The following NSD3 variants were observed in gnomAD, a reference collection of about 807,000 sequenced individuals.
NSD3 encodes histone-lysine N-methyltransferase NSD3.
In NSD3, 24 loss-of-function variants were observed where a neutral mutation model predicts 160.8. The observed-to-expected ratio is 0.15, with a 90% CI of 0.11 to 0.21. The LOEUF (loss-of-function observed/expected upper bound fraction) is 0.21. Among genes scored for constraint, NSD3 ranks in the 10% least tolerant of loss-of-function variants. NSD3 has a pLI of 1.00. For missense variants in NSD3, 1,157 were observed against 1,735.9 expected (o/e 0.67, Z 5.93); for synonymous variants, 520 against 600.0 (o/e 0.87, Z 1.95).
rs2150376110 is a variant in NSD3 at position 38,331,421 on chromosome 8, T to C, written c.1065+10A>G. ...CCATACTAGGTAAATAATATTAACATGTTAGTTACCTTTTGTTTCTCAGAG... is the reference window on the plus strand; with the variant it reads ...CCATACTAGGTAAATAATATTAACACGTTAGTTACCTTTTGTTTCTCAGAG... On this transcript the variant is annotated intron_variant, in intron 5 of 23. Coordinates refer to ENST00000317025, the MANE Select transcript of NSD3 (RefSeq NM_023034.2). 3 of 1,585,348 alleles carry C rather than the reference T, an allele frequency of 1.9e-6. No homozygotes were observed. Among genetic ancestry groups the C allele is most frequent in the South Asian group, 1.2e-5 (1 of 84,216 alleles).
chr8:38,282,149 A>C (rs1163127796), intron 19 of NSD3, among the ~76,000 whole-genome samples: 1 of 152,172 alleles, frequency 6.6e-6, no homozygotes, highest in African/African-American at 2.4e-5. Flanking sequence ...CTTTACTCAG[A>C]TTTTACCAAT....
chr8:38,335,114 T>A (rs967998498), intron 4 of NSD3, among the ~76,000 whole-genome samples: 1 of 151,674 alleles, frequency 6.6e-6, no homozygotes, highest in South Asian at 2.1e-4. Flanking sequence ...CTCAGTCACC[T>A]GAGTGAGACC....
At chr8:38,326,385 T>C (rs2150373994) in intron 7 of NSD3, among the ~76,000 whole-genome samples, 1 of 152,248 alleles carries the variant, frequency 6.6e-6, no homozygotes, top group African/African-American at 2.4e-5. Context: ...AAGGAGGAAA[T>C]GGTATGTGTG....
intron 1 of NSD3, among the ~76,000 whole-genome samples, chr8:38,351,246 G>A (rs1005660386): frequency 1.3e-4 from 20 of 151,252 alleles, no homozygotes; most frequent in Admixed American, 1.1e-3. Context: ...CAAAGTGCTG[G>A]GATTACAGGT....
At position 38,317,737 on chromosome 8, in the gene NSD3, A is replaced by C; in HGVS notation, c.1855+1158T>G. 7.2e-7 allele frequency: 1 copy of C among 1,383,346 alleles called. No individual in the cohort carries two copies. 85.7% of individuals were successfully genotyped at this position (1,383,346 alleles called of 1,614,324 possible). On this transcript the variant is annotated intron_variant, in intron 9 of 23. Coordinates refer to ENST00000317025, the MANE Select transcript of NSD3 (RefSeq NM_023034.2). The surrounding 1 kb of genome is among the most constrained non-coding windows in gnomAD (Gnocchi z 5.3). Reference sequence around the variant, plus strand: ...GTTTTTAGGCTGGACCCATGATTTAAGCTGTACCCATCCAGCTCAAACCGA... The same window carrying C: ...GTTTTTAGGCTGGACCCATGATTTACGCTGTACCCATCCAGCTCAAACCGA...
intron 1 of NSD3, among the ~76,000 whole-genome samples, chr8:38,375,799 A>G (rs1811373456): frequency 6.6e-6 from 1 of 151,960 alleles, no homozygotes; most frequent in Non-Finnish European, 1.5e-5. Context: ...TCAAAAAATA[A>G]TAGACTGCTT....
intron 19 of NSD3, among the ~76,000 whole-genome samples, chr8:38,283,548 A>G (rs1018530559): frequency 6.6e-6 from 1 of 151,908 alleles, no homozygotes; most frequent in Non-Finnish European, 1.5e-5. Context: ...ACATAAGCCA[A>G]TGGTCTTTAA....
chr8:38,367,636 C>T (rs1585929341), intron 1 of NSD3, among the ~76,000 whole-genome samples: 2 of 152,098 alleles, frequency 1.3e-5, no homozygotes, highest in South Asian at 2.1e-4. Context: ...CACTTGAACC[C>T]GGGAGGTGGA....
At position 38,316,654 on chromosome 8, in the gene NSD3, T is replaced by C. The variant is rs562718217; in HGVS notation, c.1856-612A>G. 28 of 1,053,470 alleles carry C rather than the reference T, an allele frequency of 2.7e-5. No individual in the cohort carries two copies. In the African/African-American group the frequency reaches 4.5e-4, roughly 17 times the overall value. The allele number at this position is 1,053,470 out of a possible 1,614,324, so 65.3% of individuals were successfully genotyped here. A position where few individuals can be genotyped will look rare whatever the true frequency, so the allele number is the denominator to read the frequency against. ...AAGCGCTGCAGCACATCTACATATG[T>C]CATGCCATTTAGAAGGCACATTGCT... On this transcript the variant is annotated intron_variant, in intron 9 of 23. Transcript: ENST00000317025. The surrounding 1 kb of genome is among the most constrained non-coding windows in gnomAD (Gnocchi z 4.5).
At chr8:38,358,686 A>G (rs1751025612) in intron 1 of NSD3, among the ~76,000 whole-genome samples, 1 of 152,176 alleles carries the variant, frequency 6.6e-6, no homozygotes, top group Non-Finnish European at 1.5e-5. Flanking sequence ...TTCATATACT[A>G]ATTTCTAACT....
intron 11 of NSD3, 117 bp downstream of exon 11, chr8:38,315,299 T>G: frequency 8.0e-7 from 1 of 1,256,566 alleles, no homozygotes; most frequent in Non-Finnish European, 1.0e-6. Context: ...ATCTGTAGCT[T>G]TAAAGTAATA....
In NSD3 at chr8:38,316,324, T is replaced by C; in HGVS notation, c.1856-282A>G. On this transcript the variant is annotated intron_variant, in intron 9 of 23. Coordinates refer to ENST00000317025, the MANE Select transcript of NSD3 (RefSeq NM_023034.2). The surrounding 1 kb of genome is among the most constrained non-coding windows in gnomAD (Gnocchi z 4.5). ...GCCCACGTTCCAACCTAAAAATCAA[T>C]TCTATGAAAATTGCAGGATAGCTGA... The C allele has an allele frequency of 9.4e-7, 1 of 1,066,644 alleles. No homozygotes were observed. The highest frequency in any genetic ancestry group is 1.2e-6 in the Non-Finnish European group (1 of 860,196). The allele number at this position is 1,066,644 out of a possible 1,614,324, so 66.1% of individuals were successfully genotyped here. A position where few individuals can be genotyped will look rare whatever the true frequency, so the allele number is the denominator to read the frequency against.
At chr8:38,345,474 A>G (rs1370345872) in intron 2 of NSD3, among the ~76,000 whole-genome samples, 2 of 152,160 alleles carry the variant, frequency 1.3e-5, no homozygotes, top group Non-Finnish European at 2.9e-5. Context: ...CAGGCAGTCA[A>G]TGCCACTTTC....
intron 4 of NSD3, among the ~76,000 whole-genome samples, chr8:38,335,294 A>C (rs1810189229): frequency 6.6e-6 from 1 of 152,216 alleles, no homozygotes; most frequent in African/African-American, 2.4e-5. Context: ...AGCTGAGATT[A>C]GGTTAATTAA....
rs774044631 is a variant in NSD3 at position 38,279,525 on chromosome 8, G to A, written c.3760+15C>T. 5.6e-6 allele frequency: 9 copies of A among 1,611,804 alleles called. No homozygotes were observed. Among genetic ancestry groups the A allele is most frequent in the South Asian group, 1.1e-5 (1 of 90,962 alleles). On this transcript the variant is annotated intron_variant, in intron 21 of 23. Coordinates refer to ENST00000317025, the MANE Select transcript of NSD3 (RefSeq NM_023034.2). ...TCCTAGGGAGGAAAGCATGGGGAAC[G>A]AGTCACTTTTTTACCTGCAGGAATA...
chr8:38,326,674 G>A, intron 7 of NSD3, 56 bp downstream of exon 7: 1 of 1,519,938 alleles, frequency 6.6e-7, no homozygotes, highest in Non-Finnish European at 8.8e-7. Context: ...CATTATAGCA[G>A]AACAGAACAA....
At chr8:38,353,197 C>T (rs557173316) in intron 1 of NSD3, among the ~76,000 whole-genome samples, 1 of 152,144 alleles carries the variant, frequency 6.6e-6, no homozygotes, top group African/African-American at 2.4e-5. Context: ...GCAAAAAAAC[C>T]GCAGTTCCAG....
In NSD3 at chr8:38,347,564, T is replaced by C. The variant is rs748986383; in HGVS notation, c.608A>G (p.His203Arg). 2.5e-5 allele frequency: 41 copies of C among 1,614,000 alleles called. No homozygotes were observed. Among genetic ancestry groups the C allele is most frequent in the Non-Finnish European group, 3.2e-5 (38 of 1,180,018 alleles). ...GCGCTCTTCAGATCTTGATGAGTCA[T>C]GCTTGTTGCTTTTTTTCCTCTTTTC... ...RKEKRKKSNK[H>R]DSSRSEERKS... The change falls in exon 2 of 24, where the codon CAT becomes CGT. Residue 203 changes from histidine to arginine, a missense_variant. By Grantham distance (29) the His-to-Arg change is conservative (BLOSUM62 0). This residue lies in a region of NSD3 where 99 missense variants were observed against 151.8 expected (regional missense o/e 0.65). Coordinates refer to ENST00000317025, the MANE Select transcript of NSD3 (RefSeq NM_023034.2).
Position 38,317,302 on chromosome 8 carries a change from A to C in NSD3, c.1856-1260T>G. 2 of 1,059,292 alleles carry C rather than the reference A, an allele frequency of 1.9e-6. No individual in the cohort carries two copies. Among genetic ancestry groups the C allele is most frequent in the South Asian group, 9.1e-5 (2 of 21,918 alleles). The allele number at this position is 1,059,292 out of a possible 1,614,324, so 65.6% of individuals were successfully genotyped here. ...AGGGTGCCTGCCCATGTTAATGCTG[A>C]TTAAAAAACACAAGTACACAAATCT... On this transcript the variant is annotated intron_variant, in intron 9 of 23. Coordinates refer to ENST00000317025, the MANE Select transcript of NSD3 (RefSeq NM_023034.2). This position sits in a 1 kb window ranked among gnomAD's most constrained non-coding sequence, Gnocchi z 5.3.
Sources: allele counts gnomAD v4.1 joint callset (sites outside exome capture counted in the v4.1 genomes callset), GRCh38; gene constraint gnomAD v4.1.1; regional missense constraint gnomAD v4.1.1; non-coding constraint Gnocchi (gnomAD v3.1); transcripts MANE v1.5; gene names NCBI Gene and HGNC (gene_info 2026-07-23, HGNC 2026-07-21).